The following NOP58 variants were observed in gnomAD, a reference collection of about 807,000 sequenced individuals.
NOP58 encodes the protein nucleolar protein 58.
Under a neutral mutation model 71.2 loss-of-function variants are expected in NOP58, and 44 were observed. The ratio of observed to expected loss-of-function variants is 0.62; its 90% CI spans 0.49 to 0.79. The LOEUF (loss-of-function observed/expected upper bound fraction) is 0.79. Ranked by LOEUF, NOP58 falls within the 30% of genes least tolerant of loss-of-function variation. The probability of loss-of-function intolerance (pLI) is 0.00; values close to 1 mark genes in which losing one functional copy is unlikely to be tolerated. For synonymous variants in NOP58, 228 were observed against 200.3 expected (o/e 1.14, Z -1.17); for missense variants, 538 against 620.2 (o/e 0.87, Z 1.41).
At chr2:202,291,322 C>G in intron 8 of NOP58, 52 bp downstream of exon 8, 1 of 1,376,048 alleles carries the variant, frequency 7.3e-7, no homozygotes, top group Non-Finnish European at 9.9e-7. Flanking sequence ...CTCTATAGTA[C>G]TAATTTTTCT....
chr2:202,279,668 A>C (rs1688668660), intron 3 of NOP58, among the ~76,000 whole-genome samples: 1 of 152,106 alleles, frequency 6.6e-6, no homozygotes. Flanking sequence ...GGTGGCACAC[A>C]CCTTAGTCCC....
At chr2:202,273,727 G>C (rs1435575078) in intron 1 of NOP58, among the ~76,000 whole-genome samples, 3 of 152,238 alleles carry the variant, frequency 2.0e-5, no homozygotes, top group Admixed American at 6.5e-5. Context: ...TGGATCACCT[G>C]ATGTCAGGAG....
chr2:202,294,336 C>CAAAAAAA (rs1231907557), intron 9 of NOP58, among the ~76,000 whole-genome samples: 3 of 71,448 alleles, frequency 4.2e-5, no homozygotes, highest in Non-Finnish European at 5.7e-5. Context: ...AACTCCATCT[C>CAAAAAAA]AAAAAAAAAA....
chr2:202,280,612 A>G (rs891736933), intron 3 of NOP58, among the ~76,000 whole-genome samples: 45 of 151,562 alleles, frequency 3.0e-4, no homozygotes, highest in African/African-American at 9.0e-4. Flanking sequence ...GATTACAAGC[A>G]TGAGCCACCG....
chr2:202,272,084 T>C (rs187639196), intron 1 of NOP58, among the ~76,000 whole-genome samples: 1 of 152,160 alleles, frequency 6.6e-6, no homozygotes, highest in East Asian at 1.9e-4. Flanking sequence ...AGAAACACAA[T>C]GTTGCAAGTT....
chr2:202,266,225 C>T (rs1688413738), intron 1 of NOP58, among the ~76,000 whole-genome samples: 1 of 151,968 alleles, frequency 6.6e-6, no homozygotes, highest in Admixed American at 6.6e-5. Context: ...AAGGGGTGGG[C>T]AGGAGGCGTG....
Position 202,300,246 on chromosome 2 carries a change from T to A in NOP58, c.1281T>A (p.Thr427=). Reference sequence around the variant, plus strand: ...TTGGGTCTTTCAGTGAAGTGAAGACTTACGATCCTTCTGGTGACTCCACAC... The same window carrying A: ...TTGGGTCTTTCAGTGAAGTGAAGACATACGATCCTTCTGGTGACTCCACAC... ...EKYEHKSEVK[T]YDPSGDSTLP... Residue 427 remains threonine (T), a synonymous_variant, in exon 13 of 15, where the codon ACT becomes ACA. Transcript: ENST00000264279. 1 of 1,587,262 alleles carries A rather than the reference T, an allele frequency of 6.3e-7. No homozygotes were observed.
In NOP58 at chr2:202,265,794, A is replaced by G. The variant is rs902904546; in HGVS notation, c.-148A>G. ...CCAGTACAGCGTGGAGGGTTTAGGC[A>G]GCGTGTTCTGATTCTTTGCGGGACG... On this transcript the variant is annotated 5_prime_UTR_variant, in exon 1 of 15. Coordinates refer to ENST00000264279, the MANE Select transcript of NOP58 (RefSeq NM_015934.5). 3 of 786,950 alleles carry G rather than the reference A, an allele frequency of 3.8e-6. No individual in the cohort carries two copies. The highest frequency in any genetic ancestry group is 6.4e-6 in the Non-Finnish European group (3 of 465,440). 48.7% of individuals were successfully genotyped at this position (786,950 alleles called of 1,614,324 possible). A position where few individuals can be genotyped will look rare whatever the true frequency, so the allele number is the denominator to read the frequency against.
chr2:202,288,566 C>G (rs1230130889), intron 6 of NOP58, among the ~76,000 whole-genome samples: 1 of 152,002 alleles, frequency 6.6e-6, no homozygotes, highest in Admixed American at 6.6e-5. Flanking sequence ...GCCTGTAATC[C>G]CAACACTTTG....
rs182324142 is a variant in NOP58, at chr2:202,276,867, G to A, written c.123-1083G>A. ...CAAAAACATAAAGGGGGCCGGGCAC[G>A]GTGGCTCACGCTTGTAATCCCAGCA... On this transcript the variant is annotated intron_variant, in intron 2 of 14. Coordinates refer to ENST00000264279, the MANE Select transcript of NOP58 (RefSeq NM_015934.5). Among the ~76,000 whole-genome samples the A allele has an allele frequency of 9.4e-4, 143 of 152,094 alleles. 4 individuals carry two copies. Among genetic ancestry groups the A allele is most frequent in the Admixed American group, 9.4e-3 (143 of 15,272 alleles).
At chr2:202,283,884 TCCA>T (rs1479399711) in intron 4 of NOP58, among the ~76,000 whole-genome samples, 1 of 152,224 alleles carries the variant, frequency 6.6e-6, no homozygotes, top group African/African-American at 2.4e-5. Flanking sequence ...AGTTTTTACT[TCCA>T]CCAGTGATAC....
Position 202,297,430 on chromosome 2 carries a change from T to C in NOP58, c.1123T>C (p.Phe375Leu), listed in dbSNP as rs143734003. 3.4e-4 allele frequency: 543 copies of C among 1,613,932 alleles called. No homozygotes were observed. Among genetic ancestry groups the C allele is most frequent in the Non-Finnish European group, 4.5e-4 (528 of 1,179,936 alleles). The change falls in exon 11 of 15, where the codon TTT (phenylalanine) becomes CTT (leucine). Residue 375 changes from phenylalanine (F) to leucine (L), a missense_variant. By Grantham distance (22) the Phe-to-Leu change is conservative. Transcript: ENST00000264279. ...KTVLAIRYDA[F>L]GEDSSSAMGV... is the part of the protein sequence containing the mutation. ...CGTTTTGGCTATCCGTTATGATGCT[T>C]TTGGTGAGGATTCAAGTTCTGCAAT...
At chr2:202,268,305 C>T (rs138431862) in intron 1 of NOP58, among the ~76,000 whole-genome samples, 108 of 152,048 alleles carry the variant, frequency 7.1e-4, no homozygotes, top group African/African-American at 2.5e-3. Context: ...GAGGCCGAGG[C>T]CGGCGGATCA....
Position 202,297,374 on chromosome 2 carries a change from A to G in NOP58, c.1072-5A>G, listed in dbSNP as rs1163662648. The G allele has an allele frequency of 2.2e-5, 35 of 1,610,534 alleles. No individual in the cohort carries two copies. The highest frequency in any genetic ancestry group is 2.9e-5 in the Non-Finnish European group (34 of 1,178,590). On this transcript the variant is annotated splice_region_variant and splice_polypyrimidine_tract_variant and intron_variant, in intron 10 of 14. Transcript: ENST00000264279. Reference sequence around the variant, plus strand: ...GGAATATAGTTCTTCATGTTTTTCTATTAGATTTCTCGAATGCTGGCAGCC... The same window carrying G: ...GGAATATAGTTCTTCATGTTTTTCTGTTAGATTTCTCGAATGCTGGCAGCC...
At chr2:202,270,103 G>A (rs550373244) in intron 1 of NOP58, among the ~76,000 whole-genome samples, 1 of 152,278 alleles carries the variant, frequency 6.6e-6, no homozygotes, top group South Asian at 2.1e-4. Context: ...TTTACATACT[G>A]TATAACTCAC....
At chr2:202,285,305 G>T (rs1387272347) in intron 5 of NOP58, among the ~76,000 whole-genome samples, 7 of 149,148 alleles carry the variant, frequency 4.7e-5, no homozygotes. Context: ...GCCTTCCAAA[G>T]TGCTGGGATT....
intron 2 of NOP58, chr2:202,276,476 G>C (rs1284988295): frequency 1.9e-6 from 1 of 515,900 alleles, no homozygotes; most frequent in African/African-American, 1.9e-5. Flanking sequence ...GAATCTAAGT[G>C]ATCTGACTCA....
chr2:202,298,952 ATTTTTTTTTTTTT>A (rs3043921), intron 12 of NOP58, among the ~76,000 whole-genome samples: 2 of 81,436 alleles, frequency 2.5e-5, no homozygotes, highest in Non-Finnish European at 4.6e-5. Flanking sequence ...ATCCTTCAAG[ATTTTTTTTTTTTT>A]TTTTTTTTTT....
rs555311955 is a variant in NOP58 at position 202,299,158 on chromosome 2, T to C, written c.1269-1076T>C. On this transcript the variant is annotated intron_variant, in intron 12 of 14. Transcript: ENST00000264279. ...TATTTTTAGTAGAGTCGGGGTTTCA[T>C]CATGTTGGCCAGGATGGTCTTGATC... Among the ~76,000 whole-genome samples the C allele has an allele frequency of 2.5e-3, 378 of 151,834 alleles. 7 individuals carry two copies. Among genetic ancestry groups the C allele is most frequent in the Admixed American group, 2.6e-3 (39 of 15,240 alleles).
Sources: allele counts gnomAD v4.1 joint callset (sites outside exome capture counted in the v4.1 genomes callset), GRCh38; gene constraint gnomAD v4.1.1; transcripts MANE v1.5; gene names NCBI Gene and HGNC (gene_info 2026-07-23, HGNC 2026-07-21).